The following NKAIN3 variants were observed in gnomAD, a reference collection of about 807,000 sequenced individuals.
NKAIN3 encodes sodium/potassium-transporting ATPase subunit beta-1-interacting protein 3.
A neutral mutation model predicts 30.2 loss-of-function variants in NKAIN3; 25 were observed. The observed-to-expected ratio is 0.83, with a 90% CI of 0.60 to 1.16. The LOEUF is 1.16. Ranked by LOEUF, NKAIN3 falls within the 50% of genes most tolerant of loss-of-function variation. The pLI, the probability that NKAIN3 is intolerant of heterozygous loss-of-function variation, is 0.00. For synonymous variants in NKAIN3, 91 were observed against 89.6 expected (o/e 1.02, Z -0.09); for missense variants, 225 against 254.1 (o/e 0.89, Z 0.78).
intron 3 of NKAIN3, among the ~76,000 whole-genome samples, chr8:62,736,490 C>T (rs1161235037): frequency 6.6e-6 from 1 of 152,180 alleles, no homozygotes; most frequent in Admixed American, 6.5e-5. Flanking sequence ...CCTCACTCAG[C>T]TCCCACGCAG....
intron 1 of NKAIN3, among the ~76,000 whole-genome samples, chr8:62,521,601 G>C (rs1174208485): frequency 1.3e-5 from 2 of 152,110 alleles, no homozygotes; most frequent in Non-Finnish European, 2.9e-5. Flanking sequence ...GGCTCCCACT[G>C]GCAAATAATC....
At chr8:62,631,876 A>G (rs1256586676) in intron 3 of NKAIN3, among the ~76,000 whole-genome samples, 2 of 152,202 alleles carry the variant, frequency 1.3e-5, no homozygotes, top group Admixed American at 6.5e-5. Flanking sequence ...CTCTTTGACT[A>G]GGTTTTAAGT....
chr8:62,394,229 C>T (rs1314187558), intron 1 of NKAIN3, among the ~76,000 whole-genome samples: 7 of 151,676 alleles, frequency 4.6e-5, no homozygotes, highest in Non-Finnish European at 1.0e-4. Flanking sequence ...AAGACGTTTT[C>T]CTCCATTTCT....
chr8:62,820,708 C>T (rs1232290575), intron 4 of NKAIN3, among the ~76,000 whole-genome samples: 2 of 151,958 alleles, frequency 1.3e-5, no homozygotes, highest in African/African-American at 2.4e-5. Context: ...ACGAGGAGAA[C>T]CATAGTAAAA....
chr8:62,630,681 T>C (rs1811929169), intron 3 of NKAIN3, among the ~76,000 whole-genome samples: 1 of 152,134 alleles, frequency 6.6e-6, no homozygotes, highest in Non-Finnish European at 1.5e-5. Flanking sequence ...CCCCAAGTTC[T>C]GCAAACATTG....
chr8:62,660,484 A>T (rs1033159415), intron 3 of NKAIN3, among the ~76,000 whole-genome samples: 2 of 151,954 alleles, frequency 1.3e-5, no homozygotes, highest in African/African-American at 2.4e-5. Flanking sequence ...GAGCCCAATT[A>T]CACCTGGTGT....
intron 1 of NKAIN3, among the ~76,000 whole-genome samples, chr8:62,384,531 C>T (rs908159079): frequency 1.3e-5 from 2 of 151,986 alleles, no homozygotes; most frequent in Non-Finnish European, 2.9e-5. Context: ...CAATTTTCTC[C>T]TGTGAATTTT....
At chr8:62,989,651 T>A (rs985335547), downstream of NKAIN3, among the ~76,000 whole-genome samples, 2 of 152,148 alleles carry the variant, frequency 1.3e-5, no homozygotes, top group Admixed American at 1.3e-4. Context: ...TGAGCTGAGA[T>A]CATGCCACTG....
intron 4 of NKAIN3, among the ~76,000 whole-genome samples, chr8:62,763,221 C>CAAAAAAAAAAAAAAAAAAAAAAAAAA (rs55873861): frequency 2.1e-5 from 1 of 47,188 alleles, no homozygotes; most frequent in Non-Finnish European, 4.5e-5. Flanking sequence ...GACTCCGTCT[C>CAAAAAAAAAAAAAAAAAAAAAAAAAA]AAAAAAAAAA....
chr8:62,500,305 T>C (rs1418496871), intron 1 of NKAIN3, among the ~76,000 whole-genome samples: 1 of 152,034 alleles, frequency 6.6e-6, no homozygotes, highest in Non-Finnish European at 1.5e-5. Flanking sequence ...TTTTGGCAGT[T>C]GGAAGTTTTA....
At chr8:62,863,012 C>G (rs929956588) in intron 4 of NKAIN3, 4 of 602,524 alleles carry the variant, frequency 6.6e-6, no homozygotes, top group Non-Finnish European at 1.2e-5. Flanking sequence ...GGTATGTAAC[C>G]ACACGTGTAC....
At chr8:62,452,337 G>A (rs528093797) in intron 1 of NKAIN3, among the ~76,000 whole-genome samples, 20 of 152,098 alleles carry the variant, frequency 1.3e-4, no homozygotes, top group South Asian at 2.1e-4. Context: ...TTAGGTGGGC[G>A]TGGTGGCATG....
chr8:62,315,989 C>T lies in NKAIN3; in HGVS notation c.54+66862C>T, dbSNP rs529492010. Among the ~76,000 whole-genome samples, 998 of 152,194 alleles carry T rather than the reference C, an allele frequency of 6.6e-3. 8 individuals carry two copies. The highest frequency in any genetic ancestry group is 9.6e-3 in the Non-Finnish European group (654 of 68,006). ...TAATTGAATCATGGGGGCGGTTACC[C>T]CCTTGTTGCTGTTCTCATGAGAGTG... On this transcript the variant is annotated intron_variant, in intron 1 of 6. Coordinates refer to ENST00000623646, the MANE Select transcript of NKAIN3 (RefSeq NM_001304533.3).
intron 1 of NKAIN3, among the ~76,000 whole-genome samples, chr8:62,261,254 G>C (rs938023171): frequency 6.6e-6 from 1 of 152,114 alleles, no homozygotes; most frequent in Non-Finnish European, 1.5e-5. Flanking sequence ...ACATAATAGA[G>C]AAGTTTTTAT....
intron 4 of NKAIN3, among the ~76,000 whole-genome samples, chr8:62,887,355 T>G (rs1821176736): frequency 1.3e-5 from 2 of 152,202 alleles, no homozygotes; most frequent in Non-Finnish European, 2.9e-5. Context: ...TGTAGTTTTT[T>G]TGGCATTTAT....
chr8:62,966,344 C>G lies in NKAIN3; in HGVS notation c.*937C>G, dbSNP rs1469209004. The stretch of plus-strand genomic sequence containing the variant: ...ACATCAGCTTTTCTTTCTCCTACCC[C>G]TTCCCAATAACCAAGAAAATGATAT... On this transcript the variant is annotated 3_prime_UTR_variant, in exon 7 of 7. Coordinates refer to ENST00000623646, the MANE Select transcript of NKAIN3 (RefSeq NM_001304533.3). 1.0e-6 allele frequency: 1 copy of G among 984,712 alleles called. No homozygotes were observed. The highest frequency in any genetic ancestry group is 1.2e-6 in the Non-Finnish European group (1 of 829,454). 61.0% of individuals were successfully genotyped at this position (984,712 alleles called of 1,614,324 possible). A position where few individuals can be genotyped will look rare whatever the true frequency, so the allele number is the denominator to read the frequency against.
intron 1 of NKAIN3, among the ~76,000 whole-genome samples, chr8:62,425,035 A>T (rs1306389168): frequency 1.3e-5 from 2 of 151,902 alleles, no homozygotes; most frequent in Admixed American, 6.6e-5. Context: ...TAAGCCAGAT[A>T]CAGAAGGACA....
intron 3 of NKAIN3, among the ~76,000 whole-genome samples, chr8:62,606,249 G>C (rs1443855760): frequency 6.6e-6 from 1 of 152,060 alleles, no homozygotes; most frequent in East Asian, 1.9e-4. Flanking sequence ...TCTAAACAAG[G>C]GAGGTATCGA....
chr8:62,330,387 G>T (rs1026556675), intron 1 of NKAIN3, among the ~76,000 whole-genome samples: 1 of 152,042 alleles, frequency 6.6e-6, no homozygotes, highest in Non-Finnish European at 1.5e-5. Context: ...AACAGGAAAA[G>T]GTCCTGGGAG....
Sources: gnomAD v4.1 joint callset for allele counts (sites outside exome capture counted in the v4.1 genomes callset) on GRCh38, gnomAD v4.1.1 for gene constraint, MANE v1.5 for transcripts, NCBI Gene and HGNC (gene_info 2026-07-23, HGNC 2026-07-21) for gene names.